Variants in SCAF4 observed in about 807,000 individuals in gnomAD.
The protein encoded by SCAF4 is SR-related and CTD-associated factor 4.
In SCAF4, 25 loss-of-function variants were observed where a neutral mutation model predicts 129.8. The ratio of observed to expected loss-of-function variants is 0.19; its 90% confidence interval spans 0.14 to 0.27. The LOEUF is 0.27. Ranked by LOEUF, SCAF4 falls within the 10% of genes least tolerant of loss-of-function variation. The pLI, the probability that SCAF4 is intolerant of heterozygous loss-of-function variation, is 1.00. For missense variants in SCAF4, 1,246 were observed against 1,457.1 expected, an observed-to-expected ratio of 0.86 and a Z score of 2.36; for synonymous variants, 551 against 497.7, an observed-to-expected ratio of 1.11 and a Z score of -1.43.
intron 1 of SCAF4, among the ~76,000 whole-genome samples, chr21:31,721,640 G>A (rs1404243172): frequency 6.6e-6 from 1 of 152,108 alleles, no homozygotes; most frequent in East Asian, 1.9e-4. Context: ...CCCAGGTGCA[G>A]GCAGTAAGTG....
chr21:31,720,989 T>G (rs1218246799), intron 1 of SCAF4, among the ~76,000 whole-genome samples: 1 of 152,242 alleles, frequency 6.6e-6, no homozygotes, highest in East Asian at 1.9e-4. Context: ...ACAACAGCTT[T>G]GTGATATAAA....
intron 1 of SCAF4, among the ~76,000 whole-genome samples, chr21:31,717,902 T>TAC (rs1364665234): frequency 0.017 from 1,655 of 95,530 alleles, 18 homozygotes; most frequent in African/African-American, 0.024. Flanking sequence ...TATACACATA[T>TAC]ATACACACAC....
chr21:31,671,778 T>A lies in SCAF4; in HGVS notation c.3065A>T (p.Asp1022Val), dbSNP rs765368043. The A allele has an allele frequency of 6.2e-7, 1 of 1,614,118 alleles. No individual in the cohort carries two copies. ...DRERYGNRND[D>V]RDNSNRDRRE... is the part of the protein sequence containing the mutation. ...CCTGTCACGGTTACTATTATCTCTA[T>A]CATCATTACGGTTCCCATACCGTTC... The change falls in exon 20 of 20, where the codon GAT becomes GTT. Residue 1022 changes from aspartate to valine, a missense_variant. By Grantham distance (152) the Asp-to-Val change is radical (BLOSUM62 -3). This residue lies in a region of SCAF4 where 339 missense variants were observed against 325.0 expected (regional missense o/e 1.04). Transcript: ENST00000286835.
intron 12 of SCAF4, among the ~76,000 whole-genome samples, chr21:31,692,996 C>T (rs1002803357): frequency 1.3e-5 from 2 of 152,154 alleles, no homozygotes; most frequent in Admixed American, 1.3e-4. Flanking sequence ...ATATGTCTAG[C>T]ACACCTTACT....
chr21:31,697,870 G>A (rs568070678), intron 7 of SCAF4, among the ~76,000 whole-genome samples: 1 of 152,322 alleles, frequency 6.6e-6, no homozygotes, highest in South Asian at 2.1e-4. Context: ...TCTTACAAAT[G>A]AGCAAGTTAG....
At chr21:31,713,561 G>C (rs926520036) in intron 1 of SCAF4, among the ~76,000 whole-genome samples, 2 of 152,098 alleles carry the variant, frequency 1.3e-5, no homozygotes, top group Non-Finnish European at 2.9e-5. Context: ...TTGAGATCCA[G>C]GAATGAATTA....
At chr21:31,704,756 G>A (rs1030046508) in intron 3 of SCAF4, among the ~76,000 whole-genome samples, 1 of 152,090 alleles carries the variant, frequency 6.6e-6, no homozygotes, top group Non-Finnish European at 1.5e-5. Flanking sequence ...AGTGCCTATA[G>A]GTAATTTTTT....
At chr21:31,712,860 T>C (rs745364257) in intron 1 of SCAF4, 80 of 967,216 alleles carry the variant, frequency 8.3e-5, no homozygotes, top group Non-Finnish European at 9.6e-5. Context: ...TAAACACTGA[T>C]GGCCTTCTTT....
At chr21:31,718,108 T>A (rs112012226) in intron 1 of SCAF4, among the ~76,000 whole-genome samples, 3,512 of 152,134 alleles carry the variant, frequency 0.023, 122 homozygotes, top group African/African-American at 0.079. Context: ...CACACCTGGC[T>A]AATTTTTTTG....
chr21:31,709,203 T>A (rs1485386530), intron 1 of SCAF4, among the ~76,000 whole-genome samples: 1 of 151,938 alleles, frequency 6.6e-6, no homozygotes, highest in Non-Finnish European at 1.5e-5. Flanking sequence ...GGGGGGAGCG[T>A]CTATTTTGAT....
intron 16 of SCAF4, among the ~76,000 whole-genome samples, chr21:31,686,580 C>A (rs554411654): frequency 6.6e-6 from 1 of 152,082 alleles, no homozygotes; most frequent in African/African-American, 2.4e-5. Flanking sequence ...CTTAAATACC[C>A]AACAAACGTT....
In SCAF4 at chr21:31,706,893, G is replaced by T. The variant is rs144840091; in HGVS notation, c.31-536C>A. ...CAGTACATACCATGTCTTATCAGTG[G>T]TCTCTGTCTCCCCTCTCTTCAATCC... On this transcript the variant is annotated intron_variant, in intron 1 of 19. Transcript: ENST00000286835. The T allele has an allele frequency of 4.5e-4, 135 of 302,304 alleles. 2 individuals are homozygous for T. The highest frequency in any genetic ancestry group is 2.7e-3 in the African/African-American group (119 of 43,300). The allele number at this position is 302,304 out of a possible 1,614,324, so 18.7% of individuals were successfully genotyped here.
intron 1 of SCAF4, among the ~76,000 whole-genome samples, chr21:31,728,865 C>A (rs1324619262): frequency 1.3e-5 from 2 of 152,144 alleles, no homozygotes; most frequent in African/African-American, 2.4e-5. Flanking sequence ...AACACATTTT[C>A]TTCTCTACTA....
At chr21:31,674,094 T>C (rs1750280036) in intron 19 of SCAF4, among the ~76,000 whole-genome samples, 1 of 152,182 alleles carries the variant, frequency 6.6e-6, no homozygotes, top group Non-Finnish European at 1.5e-5. Context: ...CTACTCCTGA[T>C]GCCCCATTGA....
At chr21:31,705,997 G>A (rs1335942795) in intron 2 of SCAF4, among the ~76,000 whole-genome samples, 1 of 152,238 alleles carries the variant, frequency 6.6e-6, no homozygotes, top group Non-Finnish European at 1.5e-5. Context: ...TTGAACCCGG[G>A]AGGGTGAGGT....
Position 31,696,687 on chromosome 21 carries a change from C to T in SCAF4, c.841G>A (p.Asp281Asn). The T allele has an allele frequency of 2.5e-6, 4 of 1,613,880 alleles. No homozygotes were observed. The highest frequency in any genetic ancestry group is 3.4e-6 in the Non-Finnish European group (4 of 1,179,820). The change falls in exon 8 of 20, where the codon GAT becomes AAT. Residue 281 changes from aspartate (D) to asparagine (N), a missense_variant. Around this residue, in one of 6 missense-constraint regions of SCAF4, gnomAD observed 236 missense variants for 210.0 expected, o/e 1.12. Transcript: ENST00000286835. ...PEAVEESKKE[D>N]TTAVTTTAPA... ...GCTGTCGTGGTGACGGCAGTGGTATCCTCTTTCTTTGATTCTTCCACAGCT... is the reference window on the plus strand; with the variant it reads ...GCTGTCGTGGTGACGGCAGTGGTATTCTCTTTCTTTGATTCTTCCACAGCT...
At chr21:31,727,088 CTTTTT>C (rs34324245) in intron 1 of SCAF4, among the ~76,000 whole-genome samples, 1 of 151,300 alleles carries the variant, frequency 6.6e-6, no homozygotes, top group African/African-American at 2.4e-5. Context: ...ACTTTTTTTT[CTTTTT>C]TTTAAGATGG....
rs2049711385 is a variant in SCAF4, at chr21:31,671,935, A to T, written c.2908T>A (p.Ser970Thr). ...QQQQQQQPPP[S>T]QQPPPTQQQP... ...TGCTGTGTTGGTGGAGGCTGTTGTG[A>T]TGGTGGTGGCTGCTGCTGCTGCTGC... Residue 970 changes from serine to threonine, a missense_variant, in exon 20 of 20, where the codon TCA becomes ACA. Around this residue, in one of 6 missense-constraint regions of SCAF4, gnomAD observed 339 missense variants for 325.0 expected, o/e 1.04. Transcript: ENST00000286835. 6.2e-7 allele frequency: 1 copy of T among 1,610,252 alleles called. No individual in the cohort carries two copies. The highest frequency in any genetic ancestry group is 1.3e-5 in the African/African-American group (1 of 74,732).
At chr21:31,719,920 G>A (rs933613523) in intron 1 of SCAF4, among the ~76,000 whole-genome samples, 1 of 152,150 alleles carries the variant, frequency 6.6e-6, no homozygotes, top group African/African-American at 2.4e-5. Context: ...AACCCTATTG[G>A]TTCCAGCTTA....
Sources: allele counts gnomAD v4.1 joint callset (sites outside exome capture counted in the v4.1 genomes callset), GRCh38; gene constraint gnomAD v4.1.1; regional missense constraint gnomAD v4.1.1; transcripts MANE v1.5; gene names NCBI Gene and HGNC (gene_info 2026-07-23, HGNC 2026-07-21).